Variants in EDDM13 observed in about 807,000 individuals in gnomAD.
EDDM13 encodes the protein epididymal protein 13.
Under a neutral mutation model 17.8 loss-of-function variants are expected in EDDM13, and 24 were observed. The observed-to-expected ratio is 1.35, with a 90% CI of 0.98 to 1.90. The LOEUF (loss-of-function observed/expected upper bound fraction) is 1.90. Among genes scored for constraint, EDDM13 ranks in the 40% most tolerant of loss-of-function variants. EDDM13 has a pLI of 0.00. For missense variants in EDDM13, 97 were observed against 100.8 expected, an observed-to-expected ratio of 0.96 and a Z score of 0.16; for synonymous variants, 31 against 37.5, an observed-to-expected ratio of 0.83 and a Z score of 0.63.
chr19:56,274,657 A>G (rs1600153569), intron 1 of EDDM13: 1 of 152,330 alleles, frequency 6.6e-6, no homozygotes, highest in Non-Finnish European at 1.5e-5. Context: ...CAAAACTATT[A>G]AAGAAATTAC....
At chr19:56,305,066 C>T (rs2147307429) in intron 14 of EDDM13, among the ~76,000 whole-genome samples, 1 of 152,254 alleles carries the variant, frequency 6.6e-6, no homozygotes. Context: ...AGGAGGAACT[C>T]CTTTATAAAT....
chr19:56,285,520 G>A (rs1168794145), intron 6 of EDDM13, among the ~76,000 whole-genome samples: 1 of 152,028 alleles, frequency 6.6e-6, no homozygotes, highest in African/African-American at 2.4e-5. Context: ...ATGAGCCTCT[G>A]GTTCATGTAC....
chr19:56,276,057 G>A lies in EDDM13; in HGVS notation c.86-35G>A, dbSNP rs78970638. On this transcript the variant is annotated intron_variant, in intron 1 of 14. Coordinates refer to ENST00000649256, the MANE Select transcript of EDDM13 (RefSeq NM_001354658.2). ...ATTTCTCTCTCTGCTCCCTGCTCCC[G>A]TTGTGAACTGGCTGGCTGATGCTTT... Among the ~76,000 whole-genome samples the A allele has an allele frequency of 3.4e-4, 52 of 152,246 alleles. 2 individuals carry two copies. The East Asian group carries it at 9.1e-3, about 27-fold the overall frequency.
At chr19:56,281,887 A>G (rs2038738429) in intron 3 of EDDM13, among the ~76,000 whole-genome samples, 189 bp downstream of exon 3, 1 of 152,172 alleles carries the variant, frequency 6.6e-6, no homozygotes, top group South Asian at 2.1e-4. Flanking sequence ...GAACGGTGCA[A>G]CTGGATGGAC....
intron 9 of EDDM13, among the ~76,000 whole-genome samples, chr19:56,291,906 G>A (rs2039534676): frequency 6.6e-6 from 1 of 152,176 alleles, no homozygotes; most frequent in Non-Finnish European, 1.5e-5. Context: ...AGCTTTCTAG[G>A]TGCCAGGCGC....
Position 56,295,967 on chromosome 19 carries a change from G to C in EDDM13, c.241G>C (p.Gly81Arg), listed in dbSNP as rs2039846156. The C allele has an allele frequency of 6.5e-6, 1 of 152,722 alleles. No individual in the cohort carries two copies. The highest frequency in any genetic ancestry group is 1.5e-5 in the Non-Finnish European group (1 of 68,456). 9.5% of individuals were successfully genotyped at this position (152,722 alleles called of 1,614,324 possible). Residue 81 changes from glycine to arginine, a missense_variant and splice_region_variant, in exon 10 of 15, where the codon GGC (glycine) becomes CGC (arginine). Gly to Arg is a moderately radical substitution (Grantham distance 125). Coordinates refer to ENST00000649256, the MANE Select transcript of EDDM13 (RefSeq NM_001354658.2). ...TGGATGGACATCATCAGAGATCCTA[G>C]GTGACACCTCACTCCATGCCTGCCC... is the stretch of plus-strand genomic sequence containing the variant. Reference protein sequence around the residue: ...RTEEEIKKILGLLSLQVLHEE... With the variant: ...RTEEEIKKILRLLSLQVLHEE...
intron 8 of EDDM13, among the ~76,000 whole-genome samples, chr19:56,289,495 C>T (rs983864614): frequency 2.0e-5 from 3 of 152,158 alleles, no homozygotes; most frequent in African/African-American, 7.2e-5. Flanking sequence ...CCCCTCTTCC[C>T]ATGAGTACTG....
intron 6 of EDDM13, 47 bp downstream of exon 6, chr19:56,285,071 G>C: frequency 1.1e-6 from 1 of 951,852 alleles, no homozygotes; most frequent in Non-Finnish European, 1.3e-6. Flanking sequence ...TCTCTTGTCC[G>C]CAAGGTAATG....
At chr19:56,275,202 T>C (rs908759987) in intron 1 of EDDM13, among the ~76,000 whole-genome samples, 1 of 152,192 alleles carries the variant, frequency 6.6e-6, no homozygotes, top group African/African-American at 2.4e-5. Flanking sequence ...GGGAGAAATT[T>C]TGAGGCTATG....
intron 13 of EDDM13, 56 bp from the exon 14 acceptor site, chr19:56,304,737 C>G (rs2040573291): frequency 7.2e-6 from 7 of 976,524 alleles, no homozygotes; most frequent in Non-Finnish European, 8.5e-6. Context: ...AAGGAATTCA[C>G]TCGCCTCACC....
intron 13 of EDDM13, among the ~76,000 whole-genome samples, 189 bp downstream of exon 13, chr19:56,302,284 C>A (rs996583805): frequency 1.3e-5 from 2 of 151,632 alleles, no homozygotes; most frequent in African/African-American, 4.8e-5. Flanking sequence ...TTCATTCTTC[C>A]TTCCTCTCTC....
intron 14 of EDDM13, among the ~76,000 whole-genome samples, chr19:56,307,550 G>A (rs1454105811): frequency 1.3e-5 from 2 of 152,148 alleles, no homozygotes; most frequent in Non-Finnish European, 2.9e-5. Flanking sequence ...GGGTACAGAA[G>A]GCCTCTGCTG....
At chr19:56,292,421 C>G (rs1198631363) in intron 9 of EDDM13, among the ~76,000 whole-genome samples, 7 of 147,744 alleles carry the variant, frequency 4.7e-5, no homozygotes, top group Non-Finnish European at 1.1e-4. Flanking sequence ...CATCATCACA[C>G]CTAGCTAATT....
intron 1 of EDDM13, among the ~76,000 whole-genome samples, chr19:56,274,297 T>C (rs1348347748): frequency 6.6e-6 from 1 of 151,736 alleles, no homozygotes; most frequent in East Asian, 1.9e-4. Context: ...CTACTAAAAA[T>C]ACAAAAATTA....
At chr19:56,290,153 T>C (rs1178561117) in intron 8 of EDDM13, among the ~76,000 whole-genome samples, 1 of 152,188 alleles carries the variant, frequency 6.6e-6, no homozygotes, top group Non-Finnish European at 1.5e-5. Flanking sequence ...TACCAAGGGG[T>C]GGGTCCCAGG....
chr19:56,304,725 G>C, intron 13 of EDDM13, 68 bp from the exon 14 acceptor site: 1 of 938,684 alleles, frequency 1.1e-6, no homozygotes, highest in Non-Finnish European at 1.3e-6. Flanking sequence ...AGGGAGGTAA[G>C]GAAGGAATTC....
chr19:56,277,723 TA>T (rs2038371564), intron 2 of EDDM13, among the ~76,000 whole-genome samples: 1 of 151,978 alleles, frequency 6.6e-6, no homozygotes, highest in African/African-American at 2.4e-5. Flanking sequence ...ATTACTGCAT[TA>T]AAAAAATAAG....
chr19:56,303,103 T>C (rs140344067), intron 13 of EDDM13: 11 of 383,820 alleles, frequency 2.9e-5, no homozygotes, highest in Non-Finnish European at 4.6e-5. Context: ...AATTAGCCAA[T>C]TGAGGAGGGG....
intron 1 of EDDM13, among the ~76,000 whole-genome samples, chr19:56,274,000 G>T (rs930140459): frequency 8.5e-5 from 13 of 152,152 alleles, no homozygotes; most frequent in African/African-American, 3.1e-4. Flanking sequence ...TGAAGATGGG[G>T]ATAAGTAGAA....
Sources: gnomAD v4.1 joint callset for allele counts (sites outside exome capture counted in the v4.1 genomes callset) on GRCh38, gnomAD v4.1.1 for gene constraint, MANE v1.5 for transcripts, NCBI Gene and HGNC (gene_info 2026-07-23, HGNC 2026-07-21) for gene names.